Variants in DLGAP2 observed in about 807,000 individuals in gnomAD.
DLGAP2 encodes disks large-associated protein 2.
In DLGAP2, 26 loss-of-function variants were observed where a neutral mutation model predicts 100.3. That is an observed-to-expected ratio of 0.26 (90% CI 0.19 to 0.36). The LOEUF is 0.36. Ranked by LOEUF, DLGAP2 falls within the 10% of genes least tolerant of loss-of-function variation. The pLI is 1.00. For synonymous variants in DLGAP2, 886 were observed against 630.1 expected, an observed-to-expected ratio of 1.41 and a Z score of -6.08; for missense variants, 1,858 against 1,453.2, an observed-to-expected ratio of 1.28 and a Z score of -4.53.
chr8:791,840 C>T (rs1822035612), intron 1 of DLGAP2, among the ~76,000 whole-genome samples: 1 of 152,202 alleles, frequency 6.6e-6, no homozygotes, highest in African/African-American at 2.4e-5. Context: ...CGCTCGCTCT[C>T]CTGTTCCCTC....
At chr8:1,315,593 A>T (rs868156465) in intron 3 of DLGAP2, among the ~76,000 whole-genome samples, 8 of 133,032 alleles carry the variant, frequency 6.0e-5, no homozygotes, top group East Asian at 2.3e-4. Context: ...CGTCTCTCCA[A>T]CAGTGGTCTA....
At chr8:1,365,501 C>T (rs1189365669) in intron 3 of DLGAP2, among the ~76,000 whole-genome samples, 5 of 152,158 alleles carry the variant, frequency 3.3e-5, no homozygotes, top group Admixed American at 6.5e-5. Context: ...TGAGCAGGTG[C>T]CCTCCCAGGT....
At position 1,668,373 on chromosome 8, in the gene DLGAP2, C is replaced by G; in HGVS notation, c.1855C>G (p.Pro619Ala). ...CAAGAAAACGCCCCCACCGGTGCCC[C>G]CTCGGACCACCTCCAAGCCTCTGAT... ...NYKKTPPPVPPRTTSKPLISV... is the reference protein window; with the variant it reads ...NYKKTPPPVPARTTSKPLISV... The change falls in exon 9 of 15, where the codon CCT becomes GCT. Residue 619 changes from proline (P) to alanine (A), a missense_variant. By Grantham distance (27) the Pro-to-Ala change is conservative (BLOSUM62 -1). Coordinates refer to ENST00000637795, the MANE Select transcript of DLGAP2 (RefSeq NM_001346810.2). 6.3e-7 allele frequency: 1 copy of G among 1,582,892 alleles called. No homozygotes were observed. The highest frequency in any genetic ancestry group is 8.6e-7 in the Non-Finnish European group (1 of 1,164,998).
At chr8:845,477 C>T (rs1170359629) in intron 1 of DLGAP2, among the ~76,000 whole-genome samples, 16 of 152,172 alleles carry the variant, frequency 1.1e-4, no homozygotes. Context: ...GGAGAAATAT[C>T]TATTAAGATC....
At chr8:787,613 C>T (rs982053599) in intron 1 of DLGAP2, among the ~76,000 whole-genome samples, 2 of 152,160 alleles carry the variant, frequency 1.3e-5, no homozygotes, top group Non-Finnish European at 2.9e-5. Flanking sequence ...CTGGCAGCGC[C>T]CGGAGTCAGG....
intron 2 of DLGAP2, among the ~76,000 whole-genome samples, chr8:1,169,049 G>C (rs1414192412): frequency 6.7e-6 from 1 of 148,834 alleles, no homozygotes; most frequent in Non-Finnish European, 1.5e-5. Flanking sequence ...ATCTTGAATT[G>C]ATTTTTGTAT....
At chr8:1,660,933 G>T (rs142691541) in intron 8 of DLGAP2, among the ~76,000 whole-genome samples, 8 of 152,168 alleles carry the variant, frequency 5.3e-5, no homozygotes, top group African/African-American at 1.9e-4. Context: ...CCGTGATTCC[G>T]TAGCTAATAC....
Position 1,316,645 on chromosome 8 carries a change from A to G in DLGAP2, c.106+57762A>G, listed in dbSNP as rs201558384. On this transcript the variant is annotated intron_variant, in intron 3 of 14. Transcript: ENST00000637795. The stretch of plus-strand genomic sequence containing the variant: ...TGTGCGAGTGCAGCGTCTCTCCAAC[A>G]GTGGTCTACACTCGAGACACTTGGC... 4.0e-3 allele frequency among the ~76,000 whole-genome samples: 556 copies of G among 138,732 alleles called. No individual in the cohort carries two copies. In the East Asian group the frequency reaches 0.072, roughly 18 times the overall value. 91.0% of individuals were successfully genotyped at this position (138,732 alleles called of 152,430 possible).
chr8:1,682,059 C>T (rs371160935), intron 12 of DLGAP2, among the ~76,000 whole-genome samples: 1 of 152,226 alleles, frequency 6.6e-6, no homozygotes, highest in Non-Finnish European at 1.5e-5. Flanking sequence ...GAAGCACCCC[C>T]TCCACTGCCT....
rs539485574 is a variant in DLGAP2, at chr8:1,368,330, CATGT to C, written c.106+109448_106+109451del. On this transcript the variant is annotated intron_variant, in intron 3 of 14. Coordinates refer to ENST00000637795, the MANE Select transcript of DLGAP2 (RefSeq NM_001346810.2). ...ATGTGCATAGCTGTGTGTGTGCATGCATGTGTGTGTGCATGCGTGTGTATATATG... is the reference window on the plus strand; with the variant it reads ...ATGTGCATAGCTGTGTGTGTGCATGCGTGTGTGCATGCGTGTGTATATATG... 9.9e-4 allele frequency among the ~76,000 whole-genome samples: 149 copies of C among 150,892 alleles called. 1 individual carries two copies. Among genetic ancestry groups the C allele is most frequent in the African/African-American group, 3.3e-3 (136 of 40,804 alleles).
chr8:1,539,898 C>G (rs1801301009), intron 4 of DLGAP2, among the ~76,000 whole-genome samples: 2 of 152,164 alleles, frequency 1.3e-5, no homozygotes, highest in Admixed American at 6.5e-5. Flanking sequence ...GCCCCTCAGT[C>G]CATCCTCAAC....
rs141853139 is a variant in DLGAP2, at chr8:940,443, C to T, written c.73+32477C>T. 2.1e-3 allele frequency among the ~76,000 whole-genome samples: 314 copies of T among 152,078 alleles called. 3 individuals are homozygous for T. The highest frequency in any genetic ancestry group is 7.3e-3 in the African/African-American group (303 of 41,464). ...CCCTGTGATTTCACCCTGGGTGGTT[C>T]GTCCCTGCTTAGCCGGGATTCTTCA... is the stretch of plus-strand genomic sequence containing the variant. On this transcript the variant is annotated intron_variant, in intron 2 of 14. Transcript: ENST00000637795.
chr8:1,226,318 C>T (rs373431937), intron 2 of DLGAP2, among the ~76,000 whole-genome samples: 3 of 152,272 alleles, frequency 2.0e-5, no homozygotes, highest in East Asian at 3.9e-4. Flanking sequence ...ATGTCCTTTG[C>T]AGGCGCATAG....
At chr8:1,196,427 CT>C (rs1196192517) in intron 2 of DLGAP2, among the ~76,000 whole-genome samples, 8 of 152,162 alleles carry the variant, frequency 5.3e-5, no homozygotes, top group African/African-American at 1.7e-4. Context: ...GATGTTAATG[CT>C]GAGTGAGTGA....
rs138947143 is a variant in DLGAP2 at position 1,164,757 on chromosome 8, T to G, written c.74-94094T>G. On this transcript the variant is annotated intron_variant, in intron 2 of 14. Transcript: ENST00000637795. ...GCCCGAAACAAATGTCTGAGGTCTA[T>G]GTGAAAAGTCATTCTTTCAGAGAAG... Among the ~76,000 whole-genome samples, 394 of 152,268 alleles carry G rather than the reference T, an allele frequency of 2.6e-3. 1 individual carries two copies. The highest frequency in any genetic ancestry group is 8.5e-3 in the African/African-American group (352 of 41,570).
At chr8:821,282 A>G (rs1250013353) in intron 1 of DLGAP2, among the ~76,000 whole-genome samples, 2 of 152,224 alleles carry the variant, frequency 1.3e-5, no homozygotes, top group East Asian at 1.9e-4. Flanking sequence ...AGGAAAGTCA[A>G]TATAACATGA....
intron 12 of DLGAP2, among the ~76,000 whole-genome samples, chr8:1,683,754 G>A (rs1434782810): frequency 6.9e-6 from 1 of 144,180 alleles, no homozygotes; most frequent in African/African-American, 2.6e-5. Context: ...CCTCAGTTAT[G>A]GAGGCTGGGA....
chr8:1,435,603 C>T (rs139187489), intron 3 of DLGAP2, among the ~76,000 whole-genome samples: 32 of 152,086 alleles, frequency 2.1e-4, no homozygotes, highest in South Asian at 4.2e-4. Context: ...ATCTGGGATA[C>T]TGTACGTTTC....
intron 2 of DLGAP2, among the ~76,000 whole-genome samples, chr8:1,238,443 A>C (rs1378168174): frequency 7.9e-6 from 1 of 125,936 alleles, no homozygotes; most frequent in African/African-American, 3.0e-5. Flanking sequence ...TAGTTCTCTC[A>C]CATGGCGCCG....
Sources: allele counts gnomAD v4.1 joint callset (sites outside exome capture counted in the v4.1 genomes callset), GRCh38; gene constraint gnomAD v4.1.1; transcripts MANE v1.5; gene names NCBI Gene and HGNC (gene_info 2026-07-23, HGNC 2026-07-21).